The following TEX2 variants were observed in gnomAD, a reference collection of about 807,000 sequenced individuals.
TEX2 encodes the protein testis-expressed protein 2.
TEX2 carries 53 observed loss-of-function variants against 106.9 expected under a neutral mutation model. The ratio of observed to expected loss-of-function variants is 0.50; its 90% CI spans 0.40 to 0.62. TEX2 has a LOEUF of 0.62. Ranked by LOEUF, TEX2 falls within the 20% of genes least tolerant of loss-of-function variation. TEX2 has a pLI of 0.00. For missense variants in TEX2, 1,207 were observed against 1,379.0 expected, an observed-to-expected ratio of 0.88 and a Z score of 1.98; for synonymous variants, 523 against 534.8, an observed-to-expected ratio of 0.98 and a Z score of 0.30.
In TEX2 at chr17:64,195,060, T is replaced by G; in HGVS notation, c.1680A>C (p.Glu560Asp). The G allele has an allele frequency of 6.2e-7, 1 of 1,614,184 alleles. No individual in the cohort carries two copies. The highest frequency in any genetic ancestry group is 8.5e-7 in the Non-Finnish European group (1 of 1,180,016). Residue 560 changes from glutamate to aspartate, a missense_variant, in exon 3 of 12, where the codon GAA becomes GAC. Glu to Asp is a conservative substitution (Grantham distance 45). Coordinates refer to ENST00000584379, the MANE Select transcript of TEX2 (RefSeq NM_001288732.2). The surrounding 1 kb of genome is among the most constrained non-coding windows in gnomAD (Gnocchi z 4.1). Reference protein sequence around the residue: ...WMNEIYNYDPETYHATLTHSV... With the variant: ...WMNEIYNYDPDTYHATLTHSV... ...AATGTGTCAAAGTCGCATGGTAGGTTTCTGGATCATAGTTGTAAATCTCAT... is the reference window on the plus strand; with the variant it reads ...AATGTGTCAAAGTCGCATGGTAGGTGTCTGGATCATAGTTGTAAATCTCAT...
Position 64,257,880 on chromosome 17 carries a change from G to A in TEX2, c.-26+5288C>T, listed in dbSNP as rs184584848. 1.7e-4 allele frequency among the ~76,000 whole-genome samples: 26 copies of A among 151,604 alleles called. No homozygotes were observed. The East Asian group carries it at 4.0e-3, about 24-fold the overall frequency. ...TGTTAAGAATGAATCTTCTATCTCC[G>A]AAAATTGTGAACAATATGTGGTTGT... On this transcript the variant is annotated intron_variant, in intron 1 of 11. Coordinates refer to ENST00000584379, the MANE Select transcript of TEX2 (RefSeq NM_001288732.2).
Position 64,212,991 on chromosome 17 carries a change from G to A in TEX2, c.1227C>T (p.Ala409=), listed in dbSNP as rs1555631848. The A allele has an allele frequency of 5.0e-6, 8 of 1,614,098 alleles. No homozygotes were observed. The highest frequency in any genetic ancestry group is 6.8e-6 in the Non-Finnish European group (8 of 1,180,056). Residue 409 remains alanine (A), a synonymous_variant, in exon 2 of 12, where the codon GCC becomes GCT. Transcript: ENST00000584379. Reference sequence around the variant, plus strand: ...ACTCTTCATCTTCTTTGCTCACTAAGGCAGACAAAGAACATTTCTCCAGAA... The same window carrying A: ...ACTCTTCATCTTCTTTGCTCACTAAAGCAGACAAAGAACATTTCTCCAGAA... The part of the protein sequence containing the change: ...SLVLEKCSLS[A]LVSKEDEEFC...
chr17:64,251,586 G>A (rs1232914589), intron 1 of TEX2, among the ~76,000 whole-genome samples: 3 of 152,124 alleles, frequency 2.0e-5, no homozygotes, highest in Admixed American at 2.0e-4. Flanking sequence ...AGTTCCCGGG[G>A]AAGACCCAGG....
intron 6 of TEX2, among the ~76,000 whole-genome samples, chr17:64,174,563 G>A (rs775125455): frequency 4.6e-5 from 7 of 152,084 alleles, no homozygotes; most frequent in Non-Finnish European, 8.8e-5. Context: ...TGTTCTTTTC[G>A]ACAATAAACT....
chr17:64,262,740 G>C (rs371459669), intron 1 of TEX2, among the ~76,000 whole-genome samples: 1 of 152,236 alleles, frequency 6.6e-6, no homozygotes, highest in African/African-American at 2.4e-5. Flanking sequence ...TGACAGATTC[G>C]AGTAAAAGTA....
chr17:64,250,786 A>C lies in TEX2; in HGVS notation c.-26+12382T>G, dbSNP rs1598229390. Among the ~76,000 whole-genome samples, 3 of 152,210 alleles carry C rather than the reference A, an allele frequency of 2.0e-5. No individual in the cohort carries two copies. The South Asian group carries it at 6.2e-4, about 32-fold the overall frequency. The stretch of plus-strand genomic sequence containing the variant: ...AACCTCTGCCTCCCAAGCTCAAGCA[A>C]TCCTCCCACCTCAGCCTCCTAAGTA... On this transcript the variant is annotated intron_variant, in intron 1 of 11. Coordinates refer to ENST00000584379, the MANE Select transcript of TEX2 (RefSeq NM_001288732.2).
intron 10 of TEX2, 97 bp from the exon 11 acceptor site, chr17:64,151,058 C>T: frequency 7.4e-7 from 1 of 1,347,864 alleles, no homozygotes; most frequent in South Asian, 1.4e-5. Flanking sequence ...GGCTTTATCA[C>T]TACTTAAAAT....
intron 1 of TEX2, among the ~76,000 whole-genome samples, chr17:64,236,472 G>A (rs1333323870): frequency 6.6e-6 from 1 of 152,180 alleles, no homozygotes; most frequent in African/African-American, 2.4e-5. Flanking sequence ...GCTGAGTGGG[G>A]AGGATCACCT....
chr17:64,238,760 G>C (rs1196009850), intron 1 of TEX2, among the ~76,000 whole-genome samples: 2 of 152,146 alleles, frequency 1.3e-5, no homozygotes, highest in African/African-American at 2.4e-5. Flanking sequence ...GGGGATTATG[G>C]GAACTACAAT....
intron 10 of TEX2, among the ~76,000 whole-genome samples, chr17:64,152,107 T>C (rs2030386638): frequency 1.3e-5 from 2 of 152,218 alleles, no homozygotes; most frequent in Non-Finnish European, 2.9e-5. Context: ...TGTACTAGCA[T>C]GTTGGTTTTA....
At chr17:64,237,827 A>C (rs1178239163) in intron 1 of TEX2, among the ~76,000 whole-genome samples, 1 of 152,178 alleles carries the variant, frequency 6.6e-6, no homozygotes, top group East Asian at 1.9e-4. Flanking sequence ...AGTATCAGAA[A>C]GGTGTTTAAA....
At chr17:64,258,723 G>T (rs764301036) in intron 1 of TEX2, among the ~76,000 whole-genome samples, 6 of 151,768 alleles carry the variant, frequency 4.0e-5, no homozygotes, top group Non-Finnish European at 8.8e-5. Context: ...AGCAGTAGGG[G>T]ATGGCACTAA....
chr17:64,170,209 T>C (rs1598133762), intron 7 of TEX2, among the ~76,000 whole-genome samples: 1 of 152,208 alleles, frequency 6.6e-6, no homozygotes, highest in Admixed American at 6.5e-5. Flanking sequence ...ATCTGAGAAC[T>C]TTCCTCCAGC....
chr17:64,215,765 A>C (rs1384488482), intron 1 of TEX2, among the ~76,000 whole-genome samples: 1 of 152,198 alleles, frequency 6.6e-6, no homozygotes, highest in African/African-American at 2.4e-5. Flanking sequence ...ATCTACCACA[A>C]TCGACATTAT....
intron 5 of TEX2, among the ~76,000 whole-genome samples, chr17:64,178,780 C>T (rs555975797): frequency 1.4e-3 from 207 of 152,346 alleles, no homozygotes; most frequent in Admixed American, 2.7e-3. Flanking sequence ...GCAGCTATAA[C>T]ACACACCAGA....
chr17:64,255,971 C>A (rs1371485734), intron 1 of TEX2: 9 of 152,304 alleles, frequency 5.9e-5, no homozygotes, highest in African/African-American at 2.2e-4. Flanking sequence ...TGCTTCCGGT[C>A]CACCTTGCTC....
chr17:64,153,777 A>C lies in TEX2; in HGVS notation c.2931-623T>G, dbSNP rs989226700. 6.6e-6 allele frequency among the ~76,000 whole-genome samples: 1 copy of C among 152,136 alleles called. No individual in the cohort carries two copies. Among genetic ancestry groups the C allele is most frequent in the African/African-American group, 2.4e-5 (1 of 41,448 alleles). On this transcript the variant is annotated intron_variant, in intron 9 of 11. Transcript: ENST00000584379. The surrounding 1 kb of genome is among the most constrained non-coding windows in gnomAD (Gnocchi z 4.1). ...ACCCCCATCTCTACAAAAAACAAAC[A>C]GAAAATTAGCCAGGAGTGGTGGTGT...
intron 1 of TEX2, among the ~76,000 whole-genome samples, chr17:64,238,708 C>T (rs2033823537): frequency 6.6e-6 from 1 of 152,178 alleles, no homozygotes; most frequent in African/African-American, 2.4e-5. Flanking sequence ...TAACCACCCC[C>T]ATGGTTCAAT....
intron 1 of TEX2, among the ~76,000 whole-genome samples, chr17:64,258,725 T>C (rs1555638115): frequency 6.6e-6 from 1 of 151,990 alleles, no homozygotes; most frequent in Non-Finnish European, 1.5e-5. Flanking sequence ...CAGTAGGGGA[T>C]GGCACTAAGA....
Sources: allele counts gnomAD v4.1 joint callset (sites outside exome capture counted in the v4.1 genomes callset), GRCh38; gene constraint gnomAD v4.1.1; non-coding constraint Gnocchi (gnomAD v3.1); transcripts MANE v1.5; gene names NCBI Gene and HGNC (gene_info 2026-07-23, HGNC 2026-07-21).